SNTG1: variants seen among roughly 807,000 people sequenced by gnomAD.
SNTG1 encodes the protein syntrophin gamma 1.
SNTG1 carries 39 observed loss-of-function variants against 74.7 expected under a neutral mutation model. The ratio of observed to expected loss-of-function variants is 0.52; its 90% CI spans 0.40 to 0.68. The LOEUF is 0.68. SNTG1 is among the 30% of genes least tolerant of loss of function. SNTG1 has a pLI of 0.00. For synonymous variants in SNTG1, 254 were observed against 217.1 expected (o/e 1.17, Z -1.49); for missense variants, 685 against 609.5 (o/e 1.12, Z -1.30).
At chr8:50,373,848 A>G (rs1260330314) in intron 2 of SNTG1, among the ~76,000 whole-genome samples, 1 of 152,150 alleles carries the variant, frequency 6.6e-6, no homozygotes, top group Non-Finnish European at 1.5e-5. Flanking sequence ...CGCATGCCTT[A>G]GCATTGTTTG....
intron 2 of SNTG1, among the ~76,000 whole-genome samples, chr8:50,349,740 G>A (rs1469347972): frequency 6.6e-6 from 1 of 152,206 alleles, no homozygotes; most frequent in African/African-American, 2.4e-5. Flanking sequence ...GTCCCCTTGA[G>A]AAGTGACAGT....
intron 5 of SNTG1, among the ~76,000 whole-genome samples, chr8:50,444,774 G>A (rs909439272): frequency 1.3e-3 from 122 of 96,772 alleles, no homozygotes; most frequent in South Asian, 2.2e-3. Context: ...AAAAGAAAGA[G>A]ATAACAAGCA....
At chr8:50,598,443 C>A (rs555800574) in intron 13 of SNTG1, among the ~76,000 whole-genome samples, 50 of 151,960 alleles carry the variant, frequency 3.3e-4, no homozygotes, top group African/African-American at 1.2e-3. Flanking sequence ...GTTTATGTAT[C>A]TGTTTTTATG....
chr8:50,376,754 T>TAGAGAGAG (rs770555169), intron 2 of SNTG1, among the ~76,000 whole-genome samples: 3 of 100,298 alleles, frequency 3.0e-5, no homozygotes, highest in Non-Finnish European at 6.3e-5. Flanking sequence ...TATATATATA[T>TAGAGAGAG]ATAGAGAGAG....
intron 1 of SNTG1, among the ~76,000 whole-genome samples, chr8:49,960,823 C>CCCT (rs1406559401): frequency 2.0e-5 from 3 of 152,072 alleles, no homozygotes; most frequent in Non-Finnish European, 2.9e-5. Context: ...ATGCATCCTG[C>CCCT]CCTCCTCCTC....
chr8:50,660,360 G>GAA (rs1275327516), intron 15 of SNTG1, among the ~76,000 whole-genome samples: 49 of 124,074 alleles, frequency 3.9e-4, no homozygotes, highest in African/African-American at 1.6e-3. Context: ...AAGAAAGAAA[G>GAA]AGAGAGAGAG....
chr8:50,693,680 T>C (rs1450530013), intron 15 of SNTG1, among the ~76,000 whole-genome samples: 1 of 152,158 alleles, frequency 6.6e-6, no homozygotes, highest in Non-Finnish European at 1.5e-5. Context: ...CAAGCACATA[T>C]GGGACATTCT....
intron 2 of SNTG1, among the ~76,000 whole-genome samples, chr8:50,217,584 A>G (rs2084855435): frequency 1.3e-5 from 2 of 152,314 alleles, no homozygotes; most frequent in Admixed American, 1.3e-4. Flanking sequence ...AAATCTATTT[A>G]CAATTTAATT....
In SNTG1 at chr8:50,118,824, A is replaced by G. The variant is rs770728109; in HGVS notation, c.-102-53737A>G. Reference sequence around the variant, plus strand: ...TTATATATAGATTAATATTAAAACCATGCTCAGTCAGAATCCAAAAATTAA... The same window carrying G: ...TTATATATAGATTAATATTAAAACCGTGCTCAGTCAGAATCCAAAAATTAA... On this transcript the variant is annotated intron_variant, in intron 1 of 18. Transcript: ENST00000642720. 1.4e-5 allele frequency among the ~76,000 whole-genome samples: 2 copies of G among 142,540 alleles called. 1 individual carries two copies. The highest frequency in any genetic ancestry group is 3.1e-5 in the Non-Finnish European group (2 of 64,006). The allele number at this position is 142,540 out of a possible 152,430, so 93.5% of individuals were successfully genotyped here. A position where few individuals can be genotyped will look rare whatever the true frequency, so the allele number is the denominator to read the frequency against.
At chr8:50,442,680 TAAAAAAAAA>T (rs5891365) in intron 5 of SNTG1, among the ~76,000 whole-genome samples, 2 of 81,192 alleles carry the variant, frequency 2.5e-5, no homozygotes, top group African/African-American at 5.1e-5. Context: ...TGTCTATCAG[TAAAAAAAAA>T]AAAAAAAAAA....
rs773529053 is a variant in SNTG1, at chr8:50,450,681, A to T, written c.322-7A>T. ...CATGGGAAACTATGCTTTTCTTTTC[A>T]TTGCAGATAAATGGCATTAATGTGA... is the stretch of plus-strand genomic sequence containing the variant. On this transcript the variant is annotated splice_polypyrimidine_tract_variant and splice_region_variant and intron_variant, in intron 7 of 18. Transcript: ENST00000642720. 3.7e-6 allele frequency: 6 copies of T among 1,613,324 alleles called. No individual in the cohort carries two copies. The highest frequency in any genetic ancestry group is 1.7e-5 in the Admixed American group (1 of 59,974).
At chr8:50,642,026 C>A (rs1432522790) in intron 13 of SNTG1, among the ~76,000 whole-genome samples, 4 of 152,144 alleles carry the variant, frequency 2.6e-5, no homozygotes, top group Non-Finnish European at 4.4e-5. Flanking sequence ...TTTTCTATTT[C>A]TTTCTAAAAT....
chr8:50,138,332 T>A (rs1279541762), intron 1 of SNTG1, among the ~76,000 whole-genome samples: 2 of 151,922 alleles, frequency 1.3e-5, no homozygotes, highest in Non-Finnish European at 2.9e-5. Flanking sequence ...TAATAAGAGT[T>A]CTGGCTGGAC....
At chr8:50,581,523 G>C (rs549686575) in intron 12 of SNTG1, among the ~76,000 whole-genome samples, 16 of 151,830 alleles carry the variant, frequency 1.1e-4, no homozygotes, top group Non-Finnish European at 2.4e-4. Context: ...TAAATTATAA[G>C]TATTCCTTTC....
intron 2 of SNTG1, among the ~76,000 whole-genome samples, chr8:50,342,397 T>C (rs2091343095): frequency 6.6e-6 from 1 of 152,164 alleles, no homozygotes; most frequent in African/African-American, 2.4e-5. Context: ...CTTACTTCTA[T>C]ACTACGTTTT....
At chr8:49,958,895 C>A (rs1226149337) in intron 1 of SNTG1, among the ~76,000 whole-genome samples, 3 of 152,170 alleles carry the variant, frequency 2.0e-5, no homozygotes, top group Non-Finnish European at 4.4e-5. Flanking sequence ...AGATTATGGC[C>A]TTCATAACAG....
chr8:50,275,722 C>A (rs1286864986), intron 2 of SNTG1, among the ~76,000 whole-genome samples: 1 of 152,142 alleles, frequency 6.6e-6, no homozygotes, highest in East Asian at 1.9e-4. Context: ...CAGCCCCCAG[C>A]AATTCATTAG....
intron 17 of SNTG1, among the ~76,000 whole-genome samples, chr8:50,734,154 G>A (rs901528372): frequency 6.6e-6 from 1 of 151,556 alleles, no homozygotes; most frequent in Non-Finnish European, 1.5e-5. Context: ...ATATATAAAG[G>A]AAACATTGAA....
At chr8:50,714,058 CAAAAAAAA>C (rs34349683) in intron 17 of SNTG1, among the ~76,000 whole-genome samples, 2 of 104,940 alleles carry the variant, frequency 1.9e-5, no homozygotes, top group Non-Finnish European at 1.9e-5. Context: ...GACTCCATTT[CAAAAAAAA>C]AAAAAAAAAA....
Sources: allele counts gnomAD v4.1 joint callset (sites outside exome capture counted in the v4.1 genomes callset), GRCh38; gene constraint gnomAD v4.1.1; transcripts MANE v1.5; gene names NCBI Gene and HGNC (gene_info 2026-07-23, HGNC 2026-07-21).